MRPL2: variants seen among roughly 807,000 people sequenced by gnomAD.
MRPL2 encodes mitochondrial ribosomal protein L2.
MRPL2 carries 27 observed loss-of-function variants against 34.6 expected under a neutral mutation model. The ratio of observed to expected loss-of-function variants is 0.78; its 90% confidence interval spans 0.58 to 1.08. MRPL2 has a LOEUF of 1.08. MRPL2 is among the 50% of genes least tolerant of loss of function. MRPL2 has a pLI of 0.00. For synonymous variants in MRPL2, 155 were observed against 158.0 expected (o/e 0.98, Z 0.14); for missense variants, 414 against 419.3 (o/e 0.99, Z 0.11).
At position 43,054,504 on chromosome 6, in the gene MRPL2, T is replaced by TG. The variant is rs1486030963; in HGVS notation, c.706-19dup. The TG allele has an allele frequency of 6.2e-7, 1 of 1,607,732 alleles. No homozygotes were observed. Among genetic ancestry groups the TG allele is most frequent in the Admixed American group, 1.7e-5 (1 of 59,952 alleles). On this transcript the variant is annotated intron_variant, in intron 6 of 6. Transcript: ENST00000388752. ...TCCAGCACCTGACAGAGAAAACAGA[T>TG]GGAGATTCTGTACAATGGGGGGGAA...
Position 43,054,298 on chromosome 6 carries a change from C to T in MRPL2, c.894G>A (p.Leu298=). ...ATCAGCTTTGGGCAGAAGCAGAAGG[C>T]AGCTTCACGTAACTCTTCATGGGGG... The part of the protein sequence containing the change: ...PLPPMKSYVK[L]PSASAQS The change falls in exon 7 of 7, where the codon CTG becomes CTA. Residue 298 remains leucine (L), a synonymous_variant. Transcript: ENST00000388752. The T allele has an allele frequency of 1.2e-6, 2 of 1,604,614 alleles. No individual in the cohort carries two copies. Among genetic ancestry groups the T allele is most frequent in the Non-Finnish European group, 1.7e-6 (2 of 1,176,676 alleles).
At chr6:43,056,900 C>T (rs943769260) in intron 2 of MRPL2, among the ~76,000 whole-genome samples, 2 of 152,206 alleles carry the variant, frequency 1.3e-5, no homozygotes. Context: ...GTTTCAATCT[C>T]TTGACCTTGT....
At chr6:43,055,771 G>T in intron 5 of MRPL2, 126 bp downstream of exon 5, 1 of 1,240,098 alleles carries the variant, frequency 8.1e-7, no homozygotes, top group Non-Finnish European at 1.1e-6. Context: ...AAAAACACAT[G>T]CATATCTTCA....
At chr6:43,059,056 C>T (rs1441697358) in intron 1 of MRPL2, 1 of 1,362,210 alleles carries the variant, frequency 7.3e-7, no homozygotes, top group African/African-American at 1.4e-5. Context: ...GAAACCTGCA[C>T]AACCGGTGAT....
upstream of MRPL2, chr6:43,059,613 C>T: frequency 3.6e-6 from 5 of 1,380,738 alleles, no homozygotes; most frequent in South Asian, 1.7e-5. Context: ...AAAACAATTG[C>T]CTCGAGCGGC....
chr6:43,054,438 G>C lies in MRPL2; in HGVS notation c.754C>G (p.His252Asp). The C allele has an allele frequency of 6.2e-7, 1 of 1,614,204 alleles. No homozygotes were observed. The highest frequency in any genetic ancestry group is 1.1e-5 in the South Asian group (1 of 91,086). ...GCCTTGCCAATGACCCGTTTGTTAT[G>C]ATCAACGTTGGATACTCGGCCTACT... ...ATVGRVSNVD[H>D]NKRVIGKAGR... The change falls in exon 7 of 7, where the codon CAT (histidine) becomes GAT (aspartate). Residue 252 changes from histidine to aspartate, a missense_variant. By Grantham distance (81) the His-to-Asp change is moderately conservative (BLOSUM62 -1). Transcript: ENST00000388752.
In MRPL2 at chr6:43,054,445, G is replaced by A. The variant is rs1044232448; in HGVS notation, c.747C>T (p.Asn249=). 1.2e-6 allele frequency: 2 copies of A among 1,614,226 alleles called. No homozygotes were observed. The highest frequency in any genetic ancestry group is 1.7e-6 in the Non-Finnish European group (2 of 1,180,042). The change falls in exon 7 of 7, where the codon AAC becomes AAT. Residue 249 remains asparagine (N), a synonymous_variant. Coordinates refer to ENST00000388752, the MANE Select transcript of MRPL2 (RefSeq NM_015950.5). ...TCVATVGRVS[N]VDHNKRVIGK... ...CAATGACCCGTTTGTTATGATCAAC[G>A]TTGGATACTCGGCCTACTGTTGCTA...
At chr6:43,056,226 C>A in intron 3 of MRPL2, 30 bp from the exon 4 acceptor site, 1 of 1,612,172 alleles carries the variant, frequency 6.2e-7, no homozygotes, top group African/African-American at 1.3e-5. Flanking sequence ...GGTAAGCAGA[C>A]CGTCTAGGCA....
At chr6:43,058,765 A>G (rs1450417212) in intron 1 of MRPL2, among the ~76,000 whole-genome samples, 2 of 152,182 alleles carry the variant, frequency 1.3e-5, no homozygotes, top group Non-Finnish European at 2.9e-5. Flanking sequence ...ACCTCAGGAT[A>G]CCTTCCCCTG....
chr6:43,055,692 C>T (rs1431246385), intron 5 of MRPL2, 74 bp from the exon 6 acceptor site: 1 of 1,531,228 alleles, frequency 6.5e-7, no homozygotes, highest in South Asian at 1.1e-5. Flanking sequence ...GGGACATACC[C>T]CACATGCTGC....
Position 43,056,090 on chromosome 6 carries a change from G to A in MRPL2, c.511C>T (p.Arg171Ter), listed in dbSNP as rs758245208. The change falls in exon 4 of 7, where the codon CGA (arginine) becomes TGA (stop). Residue 171 changes from arginine to a stop codon, truncating the protein, a stop_gained. Coordinates refer to ENST00000388752, the MANE Select transcript of MRPL2 (RefSeq NM_015950.5). LOFTEE classifies it high-confidence loss of function. ...GGTAGCCATCTCTCACCTGCCATTC[G>A]GCCTATGTGGTTAGAGTTCAAGATT... ...DTILNSNHIG[R>*]MAVAAREGDA... 6.8e-6 allele frequency: 11 copies of A among 1,614,118 alleles called. No homozygotes were observed. Among genetic ancestry groups the A allele is most frequent in the African/African-American group, 2.7e-5 (2 of 75,010 alleles).
intron 1 of MRPL2, chr6:43,059,070 C>T: frequency 6.9e-7 from 1 of 1,442,078 alleles, no homozygotes; most frequent in East Asian, 2.5e-5. Context: ...CGGTGATCTG[C>T]AAAGCACTTT....
Position 43,056,416 on chromosome 6 carries a change from C to A in MRPL2, c.295G>T (p.Gly99Cys). Residue 99 changes from glycine (G) to cysteine (C), a missense_variant, in exon 3 of 7, where the codon GGC becomes TGC. Transcript: ENST00000388752. ...GRIRVHGIGG[G>C]HKQRYRMIDF... ...ATCATTCGATAACGTTGCTTGTGGC[C>A]CCCGCCAATACCATGCACCCGGATT... The A allele has an allele frequency of 6.2e-7, 1 of 1,614,126 alleles. No homozygotes were observed. Among genetic ancestry groups the A allele is most frequent in the Non-Finnish European group, 8.5e-7 (1 of 1,180,034 alleles).
intron 5 of MRPL2, 121 bp downstream of exon 5, chr6:43,055,776 T>G: frequency 8.1e-7 from 1 of 1,232,710 alleles, no homozygotes; most frequent in Non-Finnish European, 1.1e-6. Flanking sequence ...CACATGCATA[T>G]CTTCATCCTC....
chr6:43,054,818 C>T (rs1764778536), intron 6 of MRPL2, among the ~76,000 whole-genome samples: 1 of 152,156 alleles, frequency 6.6e-6, no homozygotes, highest in Admixed American at 6.5e-5. Flanking sequence ...GTGGCTGACA[C>T]CTGTAATTCC....
upstream of MRPL2, chr6:43,059,507 A>T: frequency 6.9e-7 from 1 of 1,441,532 alleles, no homozygotes; most frequent in Non-Finnish European, 9.1e-7. Context: ...AGCTGGATAC[A>T]CACCTCCTTT....
chr6:43,054,239 G>A lies in MRPL2; in HGVS notation c.*35C>T, dbSNP rs746944790. On this transcript the variant is annotated 3_prime_UTR_variant, in exon 7 of 7. Transcript: ENST00000388752. Reference sequence around the variant, plus strand: ...CAAAACCACAGTAACAGATTAAAACGGGGGGGGGGGGCATTTTATTAGAGT... The same window carrying A: ...CAAAACCACAGTAACAGATTAAAACAGGGGGGGGGGGCATTTTATTAGAGT... The A allele has an allele frequency of 3.8e-5, 5 of 132,558 alleles. No individual in the cohort carries two copies. Among genetic ancestry groups the A allele is most frequent in the East Asian group, 2.4e-4 (1 of 4,172 alleles). 8.2% of individuals were successfully genotyped at this position (132,558 alleles called of 1,614,324 possible). A position where few individuals can be genotyped will look rare whatever the true frequency, so the allele number is the denominator to read the frequency against.
At position 43,059,385 on chromosome 6, in the gene MRPL2, C is replaced by A. The variant is rs1561908218; in HGVS notation, c.-4G>T. ...GGGTCAGTGCGCACAGGGCCATCAG[C>A]ACGACACCCTTACTTTTAGCCAAGC... On this transcript the variant is annotated 5_prime_UTR_variant, in exon 1 of 7. Coordinates refer to ENST00000388752, the MANE Select transcript of MRPL2 (RefSeq NM_015950.5). 1.3e-6 allele frequency: 2 copies of A among 1,543,272 alleles called. No homozygotes were observed. Among genetic ancestry groups the A allele is most frequent in the East Asian group, 2.5e-5 (1 of 40,792 alleles).
chr6:43,056,922 C>A (rs558459695), intron 2 of MRPL2, among the ~76,000 whole-genome samples: 12 of 152,258 alleles, frequency 7.9e-5, no homozygotes, highest in Non-Finnish European at 1.8e-4. Flanking sequence ...ATCCGCCCAC[C>A]TTGGCCTCCC....
Sources: gnomAD v4.1 joint callset for allele counts (sites outside exome capture counted in the v4.1 genomes callset) on GRCh38, gnomAD v4.1.1 for gene constraint, MANE v1.5 for transcripts, NCBI Gene and HGNC (gene_info 2026-07-23, HGNC 2026-07-21) for gene names.